Variants in CDH13 observed in about 807,000 individuals in gnomAD.
The protein encoded by CDH13 is cadherin-13.
In CDH13, 24 loss-of-function variants were observed where a neutral mutation model predicts 63.8. That is an observed-to-expected ratio of 0.38 (90% CI 0.27 to 0.53). The LOEUF (loss-of-function observed/expected upper bound fraction) is 0.53, where lower values mean the gene tolerates loss of function less well. Ranked by LOEUF, CDH13 falls within the 20% of genes least tolerant of loss-of-function variation. The probability of loss-of-function intolerance (pLI) is 0.85; values close to 1 mark genes in which losing one functional copy is unlikely to be tolerated. For synonymous variants in CDH13, 503 were observed against 355.3 expected (o/e 1.42, Z -4.67); for missense variants, 1,049 against 903.1 (o/e 1.16, Z -2.07).
intron 7 of CDH13, among the ~76,000 whole-genome samples, chr16:83,539,691 G>A (rs1165136113): frequency 3.9e-5 from 6 of 152,156 alleles, no homozygotes; most frequent in African/African-American, 9.7e-5. Context: ...AGAACTTCAC[G>A]AAATAGGTAC....
rs1907357340 is a variant in CDH13 at position 82,627,059 on chromosome 16, T to A, written c.-34T>A. 6.3e-7 allele frequency: 1 copy of A among 1,579,986 alleles called. No homozygotes were observed. Among genetic ancestry groups the A allele is most frequent in the African/African-American group, 1.3e-5 (1 of 74,100 alleles). On this transcript the variant is annotated 5_prime_UTR_variant, in exon 1 of 14. An upstream start codon of the reference 5' UTR is lost. Coordinates refer to ENST00000567109, the MANE Select transcript of CDH13 (RefSeq NM_001257.5). ...TGCTCAGTGCAGCCGCGTGCATGAA[T>A]GAAAACGCCGCCGGGCGCTTCTAGT...
At chr16:83,763,805 C>G (rs908380660) in intron 11 of CDH13, among the ~76,000 whole-genome samples, 4 of 152,262 alleles carry the variant, frequency 2.6e-5, no homozygotes, top group African/African-American at 9.6e-5. Context: ...CAGTTTGTCA[C>G]TGACAAAATG....
chr16:83,754,576 T>C (rs1355970106), intron 11 of CDH13, among the ~76,000 whole-genome samples: 2 of 152,172 alleles, frequency 1.3e-5, no homozygotes, highest in African/African-American at 4.8e-5. Flanking sequence ...TGGGAGATAA[T>C]TGAATCATGG....
intron 4 of CDH13, among the ~76,000 whole-genome samples, chr16:83,161,757 C>T (rs1392135764): frequency 6.6e-6 from 1 of 152,120 alleles, no homozygotes; most frequent in African/African-American, 2.4e-5. Context: ...TCCTGATATA[C>T]CTCTTCCCTA....
At chr16:83,308,455 G>T (rs1262755114) in intron 5 of CDH13, among the ~76,000 whole-genome samples, 1 of 152,216 alleles carries the variant, frequency 6.6e-6, no homozygotes, top group Non-Finnish European at 1.5e-5. Flanking sequence ...TCTCCTACAT[G>T]AATTCCTTCA....
chr16:83,629,648 C>T (rs1464539858), intron 8 of CDH13, among the ~76,000 whole-genome samples: 2 of 152,188 alleles, frequency 1.3e-5, no homozygotes, highest in African/African-American at 4.8e-5. Flanking sequence ...AAAAAAATTA[C>T]ACTCCCTCAT....
intron 8 of CDH13, among the ~76,000 whole-genome samples, chr16:83,626,256 C>G (rs972976420): frequency 6.6e-6 from 1 of 152,106 alleles, no homozygotes; most frequent in Non-Finnish European, 1.5e-5. Context: ...GTTTCATGAC[C>G]GGAGTCAATG....
intron 5 of CDH13, among the ~76,000 whole-genome samples, chr16:83,308,876 G>C (rs1216517932): frequency 1.3e-5 from 2 of 152,218 alleles, no homozygotes; most frequent in Non-Finnish European, 2.9e-5. Context: ...CTTAAAGAAT[G>C]AAAACCATCA....
At chr16:83,667,177 A>T (rs1914066560) in intron 8 of CDH13, among the ~76,000 whole-genome samples, 1 of 152,134 alleles carries the variant, frequency 6.6e-6, no homozygotes, top group Admixed American at 6.5e-5. Context: ...GACCCATCCA[A>T]GGACATATGA....
At chr16:83,593,105 A>G (rs61289177) in intron 7 of CDH13, among the ~76,000 whole-genome samples, 2,123 of 152,284 alleles carry the variant, frequency 0.014, 46 homozygotes, top group African/African-American at 0.048. Context: ...ATATTTATAG[A>G]CTAGGTGTCA....
At chr16:83,170,878 A>C (rs2037884951) in intron 4 of CDH13, among the ~76,000 whole-genome samples, 2 of 151,828 alleles carry the variant, frequency 1.3e-5, no homozygotes, top group Admixed American at 1.3e-4. Context: ...TAGAGAGAAG[A>C]GATCCAGCAT....
At chr16:83,617,633 A>G (rs933796131) in intron 8 of CDH13, among the ~76,000 whole-genome samples, 7 of 151,456 alleles carry the variant, frequency 4.6e-5, no homozygotes, top group African/African-American at 1.5e-4. Flanking sequence ...ATATTCTAAT[A>G]TATATTTCTA....
At chr16:83,250,723 G>A (rs567079658) in intron 5 of CDH13, among the ~76,000 whole-genome samples, 1 of 152,328 alleles carries the variant, frequency 6.6e-6, no homozygotes, top group African/African-American at 2.4e-5. Flanking sequence ...AGATGATACA[G>A]AGTCTCAGAG....
intron 11 of CDH13, among the ~76,000 whole-genome samples, chr16:83,774,057 C>A (rs1465335068): frequency 6.6e-6 from 1 of 152,098 alleles, no homozygotes; most frequent in African/African-American, 2.4e-5. Context: ...CAGCCCCCTG[C>A]TGTTATCTCT....
At chr16:83,043,550 CAT>C (rs1917516974) in intron 3 of CDH13, among the ~76,000 whole-genome samples, 1 of 149,384 alleles carries the variant, frequency 6.7e-6, no homozygotes, top group Non-Finnish European at 1.5e-5. Context: ...ATATATCTAA[CAT>C]ATTATCATTT....
chr16:83,321,930 A>C (rs1031858947), intron 5 of CDH13, among the ~76,000 whole-genome samples: 1 of 152,218 alleles, frequency 6.6e-6, no homozygotes, highest in African/African-American at 2.4e-5. Flanking sequence ...GGCCAGATTC[A>C]GTCCATGGAG....
intron 1 of CDH13, among the ~76,000 whole-genome samples, chr16:82,746,134 C>T (rs914986506): frequency 6.7e-5 from 10 of 148,714 alleles, no homozygotes; most frequent in African/African-American, 2.4e-4. Context: ...TACATATAAG[C>T]ACACATCAAA....
rs373489670 is a variant in CDH13 at position 83,266,163 on chromosome 16, C to T, written c.636+48666C>T. Among the ~76,000 whole-genome samples the T allele has an allele frequency of 3.9e-5, 6 of 152,220 alleles. No individual in the cohort carries two copies. In the East Asian group the frequency reaches 9.7e-4, roughly 25 times the overall value. On this transcript the variant is annotated intron_variant, in intron 5 of 13. Transcript: ENST00000567109. Reference sequence around the variant, plus strand: ...ACATTGGCCAGGCTGGTCTCAAACTCCTGACCTCAAGTGATCAACCCACCT... The same window carrying T: ...ACATTGGCCAGGCTGGTCTCAAACTTCTGACCTCAAGTGATCAACCCACCT...
At chr16:83,226,605 A>G (rs755550835) in intron 5 of CDH13, among the ~76,000 whole-genome samples, 5 of 152,108 alleles carry the variant, frequency 3.3e-5, no homozygotes, top group Non-Finnish European at 7.4e-5. Context: ...AACCAGGTCT[A>G]CTTCATCATG....
Sources: allele counts gnomAD v4.1 joint callset (sites outside exome capture counted in the v4.1 genomes callset), GRCh38; gene constraint gnomAD v4.1.1; transcripts MANE v1.5; gene names NCBI Gene and HGNC (gene_info 2026-07-23, HGNC 2026-07-21).